Variants in GRAMD1B observed in about 807,000 individuals in gnomAD.
The protein encoded by GRAMD1B is protein Aster-B.
In GRAMD1B, 37 loss-of-function variants were observed where a neutral mutation model predicts 99.7. The ratio of observed to expected loss-of-function variants is 0.37; its 90% CI spans 0.29 to 0.49. GRAMD1B has a LOEUF of 0.49. GRAMD1B is among the 20% of genes least tolerant of loss of function. GRAMD1B has a pLI of 0.98. For synonymous variants in GRAMD1B, 427 were observed against 387.6 expected, an observed-to-expected ratio of 1.10 and a Z score of -1.19; for missense variants, 888 against 1,009.2, an observed-to-expected ratio of 0.88 and a Z score of 1.63.
intron 1 of GRAMD1B, among the ~76,000 whole-genome samples, chr11:123,424,302 C>A (rs1447253109): frequency 6.6e-6 from 1 of 150,720 alleles, no homozygotes; most frequent in East Asian, 1.9e-4. Flanking sequence ...CCAAACCAAT[C>A]TGAATAGCAA....
intron 1 of GRAMD1B, among the ~76,000 whole-genome samples, chr11:123,359,275 C>T (rs899560282): frequency 9.1e-6 from 1 of 109,854 alleles, no homozygotes; most frequent in Non-Finnish European, 1.8e-5. Flanking sequence ...ATCAGTCTTA[C>T]GCCTATTCTG....
intron 1 of GRAMD1B, among the ~76,000 whole-genome samples, chr11:123,378,605 A>C (rs989381709): frequency 1.3e-5 from 2 of 152,226 alleles, no homozygotes; most frequent in African/African-American, 2.4e-5. Context: ...GTGCCTCCCC[A>C]AGGATATAGC....
chr11:123,560,221 C>T, intron 2 of GRAMD1B: 2 of 1,038,470 alleles, frequency 1.9e-6, no homozygotes, highest in Admixed American at 5.3e-5. Context: ...AAGAGGGGTG[C>T]GTGTCTGAGT....
At chr11:123,388,646 C>T (rs1399482132) in intron 1 of GRAMD1B, among the ~76,000 whole-genome samples, 1 of 152,036 alleles carries the variant, frequency 6.6e-6, no homozygotes, top group Non-Finnish European at 1.5e-5. Flanking sequence ...TGCCCTACTC[C>T]AGCCTGGGCA....
At chr11:123,424,314 C>G (rs1189884055) in intron 1 of GRAMD1B, among the ~76,000 whole-genome samples, 8 of 151,662 alleles carry the variant, frequency 5.3e-5, no homozygotes, top group Non-Finnish European at 1.0e-4. Context: ...GAATAGCAAC[C>G]CTTGCCTAAA....
At chr11:123,471,291 G>A (rs1160840436) in intron 1 of GRAMD1B, among the ~76,000 whole-genome samples, 1 of 152,212 alleles carries the variant, frequency 6.6e-6, no homozygotes, top group Non-Finnish European at 1.5e-5. Context: ...AAAACAGGAA[G>A]AAGCAGGAAC....
intron 1 of GRAMD1B, among the ~76,000 whole-genome samples, chr11:123,389,947 G>A (rs1947213312): frequency 6.6e-6 from 1 of 152,038 alleles, no homozygotes; most frequent in African/African-American, 2.4e-5. Flanking sequence ...AGTAGAGACA[G>A]GGTTTCACCA....
intron 1 of GRAMD1B, among the ~76,000 whole-genome samples, chr11:123,387,081 G>A (rs866691519): frequency 1.6e-4 from 24 of 152,296 alleles, no homozygotes; most frequent in Middle Eastern, 3.4e-3. Context: ...TGGCAGAGAC[G>A]TTTTGTAGTT....
intron 2 of GRAMD1B, among the ~76,000 whole-genome samples, chr11:123,550,842 T>A (rs1370266400): frequency 6.6e-6 from 1 of 152,096 alleles, no homozygotes; most frequent in East Asian, 1.9e-4. Context: ...GGGCCGGGAC[T>A]CTCTAGAAAT....
intron 2 of GRAMD1B, among the ~76,000 whole-genome samples, chr11:123,555,397 G>A (rs1014757671): frequency 2.6e-5 from 4 of 152,126 alleles, no homozygotes; most frequent in African/African-American, 9.7e-5. Context: ...CACCGAGGCT[G>A]GGGTGCAATG....
At chr11:123,616,267 A>G (rs1378449911) in intron 17 of GRAMD1B, among the ~76,000 whole-genome samples, 1 of 152,228 alleles carries the variant, frequency 6.6e-6, no homozygotes. Context: ...GCTTGCAGTG[A>G]GCTGAGATCG....
chr11:123,403,637 G>A (rs150935553), intron 1 of GRAMD1B, among the ~76,000 whole-genome samples: 1,612 of 151,444 alleles, frequency 0.011, 23 homozygotes, highest in African/African-American at 0.035. Flanking sequence ...TCTGCCTCCC[G>A]GGTTCAAGCA....
intron 1 of GRAMD1B, among the ~76,000 whole-genome samples, chr11:123,414,517 C>G (rs1430468952): frequency 6.6e-6 from 1 of 152,122 alleles, no homozygotes; most frequent in Non-Finnish European, 1.5e-5. Flanking sequence ...ATGCTTAGCT[C>G]CCTCTCTTAT....
chr11:123,573,510 G>GA (rs1948387506), intron 2 of GRAMD1B, among the ~76,000 whole-genome samples: 1 of 152,144 alleles, frequency 6.6e-6, no homozygotes, highest in African/African-American at 2.4e-5. Context: ...AAACACAATT[G>GA]AATGCCTGCT....
intron 1 of GRAMD1B, among the ~76,000 whole-genome samples, chr11:123,371,553 G>T (rs913821448): frequency 6.6e-6 from 1 of 152,060 alleles, no homozygotes. Flanking sequence ...GAATTTTCTA[G>T]GCCATTCCCC....
intron 1 of GRAMD1B, among the ~76,000 whole-genome samples, chr11:123,431,369 A>G (rs1948879426): frequency 6.6e-6 from 1 of 152,220 alleles, no homozygotes; most frequent in South Asian, 2.1e-4. Context: ...ACTCAGGGTG[A>G]GGGGCTTCAT....
chr11:123,445,155 C>CA (rs2134303048), intron 1 of GRAMD1B, among the ~76,000 whole-genome samples: 1 of 152,264 alleles, frequency 6.6e-6, no homozygotes, highest in East Asian at 1.9e-4. Context: ...AGCACTATTT[C>CA]TAGAGAAGGA....
chr11:123,597,883 GA>G, intron 7 of GRAMD1B: 1 of 818,602 alleles, frequency 1.2e-6, no homozygotes, highest in Non-Finnish European at 2.2e-6. Context: ...GGGAGAAATA[GA>G]ACAAGCAGAT....
chr11:123,449,713 G>GGTTTTTTTTTTTT, intron 1 of GRAMD1B, among the ~76,000 whole-genome samples: 1 of 79,550 alleles, frequency 1.3e-5, no homozygotes, highest in South Asian at 3.5e-4. Context: ...ACCATGCCTG[G>GGTTTTTTTTTTTT]CTTTTTTTTT....
Sources: gnomAD v4.1 joint callset for allele counts (sites outside exome capture counted in the v4.1 genomes callset) on GRCh38, gnomAD v4.1.1 for gene constraint, MANE v1.5 for transcripts, NCBI Gene and HGNC (gene_info 2026-07-23, HGNC 2026-07-21) for gene names.